SLC12A1: variants seen among roughly 807,000 people sequenced by gnomAD.
SLC12A1 encodes solute carrier family 12 member 1.
In SLC12A1, 89 loss-of-function variants were observed where a neutral mutation model predicts 130.4. The observed-to-expected ratio is 0.68, with a 90% CI of 0.58 to 0.81. The LOEUF is 0.81. Among genes scored for constraint, SLC12A1 ranks in the 40% least tolerant of loss-of-function variants. SLC12A1 has a pLI of 0.00. For synonymous variants in SLC12A1, 499 were observed against 460.0 expected (o/e 1.08, Z -1.09); for missense variants, 1,310 against 1,336.4 (o/e 0.98, Z 0.31).
intron 4 of SLC12A1, chr15:48,225,975 A>G (rs2041280454): frequency 1.3e-6 from 1 of 769,876 alleles, no homozygotes; most frequent in African/African-American, 1.9e-5. Flanking sequence ...CCGCACCATC[A>G]TTTGTAAGGT....
chr15:48,267,565 C>G lies in SLC12A1; in HGVS notation c.2159C>G (p.Pro720Arg). Reference protein sequence around the residue: ...LCICCEVFVGPRKLCVKEMNS... With the variant: ...LCICCEVFVGRRKLCVKEMNS... ...ATATTTCATTGTGTCACACAGGGAC[C>G]GCGCAAACTGTGTGTTAAGGAGATG... The change falls in exon 18 of 27, where the codon CCG (proline) becomes CGG (arginine). Residue 720 changes from proline to arginine, a missense_variant. By Grantham distance (103) the Pro-to-Arg change is moderately radical. Transcript: ENST00000380993. 1 of 1,613,236 alleles carries G rather than the reference C, an allele frequency of 6.2e-7. No homozygotes were observed.
At chr15:48,242,488 G>A (rs996230023) in intron 10 of SLC12A1, among the ~76,000 whole-genome samples, 4 of 152,136 alleles carry the variant, frequency 2.6e-5, no homozygotes, top group African/African-American at 9.7e-5. Flanking sequence ...CTAATTTGAG[G>A]AAATTTGATA....
chr15:48,292,767 G>C (rs2042134621), intron 24 of SLC12A1, among the ~76,000 whole-genome samples: 1 of 152,118 alleles, frequency 6.6e-6, no homozygotes, highest in Non-Finnish European at 1.5e-5. Flanking sequence ...TCCTAAAATA[G>C]GGAACCTACC....
At chr15:48,230,949 T>A (rs2041368738) in intron 7 of SLC12A1, among the ~76,000 whole-genome samples, 1 of 152,242 alleles carries the variant, frequency 6.6e-6, no homozygotes, top group Admixed American at 6.5e-5. Flanking sequence ...TTTAGGCACA[T>A]CATAGGCTTT....
intron 9 of SLC12A1, among the ~76,000 whole-genome samples, chr15:48,240,085 AT>A: frequency 9.1e-6 from 1 of 109,948 alleles, no homozygotes; most frequent in African/African-American, 5.4e-5. Context: ...ATATATATAT[AT>A]ATATCCATAT....
At chr15:48,235,100 T>C (rs1250557290) in intron 9 of SLC12A1, 96 bp downstream of exon 9, 1 of 1,255,420 alleles carries the variant, frequency 8.0e-7, no homozygotes, top group Non-Finnish European at 1.2e-6. Context: ...CATATTACCC[T>C]ACAGATTCAA....
intron 2 of SLC12A1, among the ~76,000 whole-genome samples, chr15:48,213,421 T>A (rs1291503092): frequency 6.6e-6 from 1 of 152,124 alleles, no homozygotes; most frequent in African/African-American, 2.4e-5. Context: ...ATTGTCACCA[T>A]CAAAAGCATT....
intron 2 of SLC12A1, among the ~76,000 whole-genome samples, chr15:48,214,474 T>C (rs569311158): frequency 6.6e-6 from 1 of 152,334 alleles, no homozygotes; most frequent in African/African-American, 2.4e-5. Flanking sequence ...GTGAGATATG[T>C]GTTTTCAGCT....
intron 23 of SLC12A1, among the ~76,000 whole-genome samples, chr15:48,289,724 A>G (rs1435004552): frequency 1.3e-5 from 2 of 152,130 alleles, no homozygotes; most frequent in Non-Finnish European, 2.9e-5. Context: ...GAAATGGTAC[A>G]GTAAAAATAC....
At chr15:48,296,379 G>A (rs527504961) in intron 24 of SLC12A1, among the ~76,000 whole-genome samples, 1 of 152,286 alleles carries the variant, frequency 6.6e-6, no homozygotes, top group South Asian at 2.1e-4. Flanking sequence ...CAAAGTTAAT[G>A]AGAAAATAAT....
At chr15:48,280,167 TAAA>T (rs113028863) in intron 20 of SLC12A1, among the ~76,000 whole-genome samples, 36 of 125,698 alleles carry the variant, frequency 2.9e-4, no homozygotes, top group African/African-American at 9.2e-4. Context: ...AAAGATATCT[TAAA>T]AAAAAAAAAA....
rs28731234 is a variant in SLC12A1, at chr15:48,221,205, A to C, written c.628+209A>C. ...GAAACTGGAATTTTCCAGCTTGCCA[A>C]ACAGGTGAATGCTCAAGGAGATCTC... On this transcript the variant is annotated intron_variant, in intron 4 of 26. Coordinates refer to ENST00000380993, the MANE Select transcript of SLC12A1 (RefSeq NM_000338.3). 3,360 of 657,930 alleles carry C rather than the reference A, an allele frequency of 5.1e-3. 89 individuals are homozygous for C. In the African/African-American group the frequency reaches 0.056, roughly 11 times the overall value. 40.8% of individuals were successfully genotyped at this position (657,930 alleles called of 1,614,324 possible). A position where few individuals can be genotyped will look rare whatever the true frequency, so the allele number is the denominator to read the frequency against.
At chr15:48,266,118 A>G (rs1311906987) in intron 17 of SLC12A1, among the ~76,000 whole-genome samples, 1 of 152,170 alleles carries the variant, frequency 6.6e-6, no homozygotes, top group Non-Finnish European at 1.5e-5. Flanking sequence ...TTGGGCAGTG[A>G]TGACCTAGGC....
intron 17 of SLC12A1, among the ~76,000 whole-genome samples, chr15:48,261,936 A>G (rs898199805): frequency 1.3e-5 from 2 of 152,312 alleles, no homozygotes; most frequent in Non-Finnish European, 2.9e-5. Flanking sequence ...CCTATGTTAT[A>G]GAGTTGCTAT....
chr15:48,257,386 G>A (rs1411332804), intron 16 of SLC12A1, among the ~76,000 whole-genome samples: 2 of 152,142 alleles, frequency 1.3e-5, no homozygotes, highest in African/African-American at 4.8e-5. Flanking sequence ...GCCCCAGTGG[G>A]GAGTCTGTCT....
At position 48,207,956 on chromosome 15, in the gene SLC12A1, T is replaced by G. The variant is rs1169694509; in HGVS notation, c.237T>G (p.Thr79=). Residue 79 remains threonine (T), a synonymous_variant, in exon 2 of 27, where the codon ACT becomes ACG. Transcript: ENST00000380993. ...ACAATTTCCTCCAAAGTGGAGAAAC[T>G]GCTAAAACAGATGCCAGTTTTCACG... The part of the protein sequence containing the change: ...CYDNFLQSGE[T]AKTDASFHAY... The G allele has an allele frequency of 6.2e-7, 1 of 1,614,008 alleles. No homozygotes were observed. Among genetic ancestry groups the G allele is most frequent in the Non-Finnish European group, 8.5e-7 (1 of 1,179,882 alleles).
chr15:48,258,748 G>A (rs1264954548), intron 16 of SLC12A1, among the ~76,000 whole-genome samples: 1 of 152,116 alleles, frequency 6.6e-6, no homozygotes, highest in Non-Finnish European at 1.5e-5. Flanking sequence ...TCCAAGACTG[G>A]GTAATTTTTC....
chr15:48,229,395 A>G, intron 6 of SLC12A1, 67 bp downstream of exon 6: 1 of 1,457,766 alleles, frequency 6.9e-7, no homozygotes, highest in Non-Finnish European at 9.4e-7. Context: ...TTCTCAGGGC[A>G]CTAAGGGATA....
At chr15:48,289,760 C>G (rs919956118) in intron 23 of SLC12A1, among the ~76,000 whole-genome samples, 2 of 152,052 alleles carry the variant, frequency 1.3e-5, no homozygotes, top group African/African-American at 4.8e-5. Context: ...AAATGGTCCA[C>G]TTGTATTGGG....
Sources: allele counts gnomAD v4.1 joint callset (sites outside exome capture counted in the v4.1 genomes callset), GRCh38; gene constraint gnomAD v4.1.1; transcripts MANE v1.5; gene names NCBI Gene and HGNC (gene_info 2026-07-23, HGNC 2026-07-21).